Variants in ORC5 observed in about 807,000 individuals in gnomAD.
ORC5 encodes origin recognition complex subunit 5.
In ORC5, 39 loss-of-function variants were observed where a neutral mutation model predicts 58.8. That is an observed-to-expected ratio of 0.66 (90% CI 0.51 to 0.87). ORC5 has a LOEUF of 0.87. ORC5 is among the 40% of genes least tolerant of loss of function. The pLI is 0.00. For missense variants in ORC5, 493 were observed against 506.3 expected (o/e 0.97, Z 0.25); for synonymous variants, 218 against 177.6 (o/e 1.23, Z -1.81).
Position 104,161,148 on chromosome 7 carries a change from G to A in ORC5, c.1073C>T (p.Pro358Leu). The change falls in exon 12 of 14, where the codon CCA becomes CTA. Residue 358 changes from proline to leucine, a missense_variant. Transcript: ENST00000297431. ...SNHLLGPKPF[P>L]LDRLLAILYS... The stretch of plus-strand genomic sequence containing the variant: ...TAATATTGCTAATAATCTGTCTAGT[G>A]GAAATGGTTTTGGCCCAAGGAGATG... The A allele has an allele frequency of 6.2e-7, 1 of 1,610,216 alleles. No homozygotes were observed. Among genetic ancestry groups the A allele is most frequent in the Non-Finnish European group, 8.5e-7 (1 of 1,176,830 alleles).
chr7:104,150,054 A>G (rs1281815624), intron 12 of ORC5, among the ~76,000 whole-genome samples: 1 of 151,388 alleles, frequency 6.6e-6, no homozygotes, highest in Non-Finnish European at 1.5e-5. Context: ...CACAGTGAGG[A>G]TTTTTTTTTC....
rs181086948 is a variant in ORC5, at chr7:104,176,750, T to C, written c.824+7193A>G. Among the ~76,000 whole-genome samples the C allele has an allele frequency of 7.2e-5, 11 of 152,308 alleles. No individual in the cohort carries two copies. The East Asian group carries it at 2.1e-3, about 29-fold the overall frequency. The stretch of plus-strand genomic sequence containing the variant: ...ATACTTTTTTAAATATAAAAATAAA[T>C]AAGCAAGCTGGTTTTAAACTTGTTG... On this transcript the variant is annotated intron_variant, in intron 8 of 13. Coordinates refer to ENST00000297431, the MANE Select transcript of ORC5 (RefSeq NM_002553.4).
At chr7:104,177,083 T>C (rs1182569132) in intron 8 of ORC5, among the ~76,000 whole-genome samples, 1 of 152,236 alleles carries the variant, frequency 6.6e-6, no homozygotes, top group Non-Finnish European at 1.5e-5. Context: ...ATTCATAGGC[T>C]ATAAAAATGA....
At chr7:104,173,897 T>G (rs1441722660) in intron 8 of ORC5, among the ~76,000 whole-genome samples, 1 of 140,580 alleles carries the variant, frequency 7.1e-6, no homozygotes, top group East Asian at 2.1e-4. Context: ...CAGGCTGGAG[T>G]GCAGTGGCGG....
At chr7:104,188,463 T>TAAAA in intron 5 of ORC5, 82 bp from the exon 6 acceptor site, 2 of 988,036 alleles carry the variant, frequency 2.0e-6, no homozygotes, top group Non-Finnish European at 2.8e-6. Context: ...ACAAAGGTAT[T>TAAAA]AAAAAAAAAA....
intron 5 of ORC5, among the ~76,000 whole-genome samples, chr7:104,193,047 G>C (rs1205177617): frequency 6.6e-6 from 1 of 150,898 alleles, no homozygotes; most frequent in East Asian, 1.9e-4. Context: ...AAAGGTGAGG[G>C]GGGCAGACAA....
chr7:104,163,474 G>T (rs910565128), intron 11 of ORC5, among the ~76,000 whole-genome samples: 1 of 152,020 alleles, frequency 6.6e-6, no homozygotes, highest in African/African-American at 2.4e-5. Flanking sequence ...ACCATGGTTT[G>T]GGGGGTTTTG....
At chr7:104,179,163 G>C (rs74957420) in intron 8 of ORC5, among the ~76,000 whole-genome samples, 6,570 of 148,610 alleles carry the variant, frequency 0.044, 476 homozygotes, top group African/African-American at 0.15. Flanking sequence ...TTCCCAGGCT[G>C]GTCTTGAACT....
intron 6 of ORC5, among the ~76,000 whole-genome samples, chr7:104,186,831 A>G (rs1038714361): frequency 6.6e-6 from 1 of 152,194 alleles, no homozygotes; most frequent in Admixed American, 6.5e-5. Context: ...ATTATTACCA[A>G]TAGTAGTATA....
chr7:104,156,909 A>G (rs1383939560), intron 12 of ORC5, among the ~76,000 whole-genome samples: 2 of 151,936 alleles, frequency 1.3e-5, no homozygotes. Flanking sequence ...CACAGACAGT[A>G]TTAACAGGTA....
In ORC5 at chr7:104,136,260, C is replaced by T. The variant is rs1472416900; in HGVS notation, c.1262+521G>A. Among the ~76,000 whole-genome samples the T allele has an allele frequency of 2.0e-5, 3 of 152,048 alleles. No homozygotes were observed. Among genetic ancestry groups the T allele is most frequent in the African/African-American group, 7.2e-5 (3 of 41,398 alleles). On this transcript the variant is annotated intron_variant, in intron 13 of 13. Transcript: ENST00000297431. The surrounding 1 kb of genome is among the most constrained non-coding windows in gnomAD (Gnocchi z 4.2). ...CAATTCCTCATTCTACCACTCTCCT[C>T]GTGCCCCTTCAGTATGTATCCATTT... is the stretch of plus-strand genomic sequence containing the variant.
In ORC5 at chr7:104,184,177, AGT is replaced by A; in HGVS notation, c.685-8_685-7del. On this transcript the variant is annotated splice_polypyrimidine_tract_variant and splice_region_variant and intron_variant, in intron 6 of 13. Transcript: ENST00000297431. ...TTAGGAAAATTAAGTACTGCCTGTA[AGT>A]AAAGAAAAAAAAAGAGAAGAAAAAA... The A allele has an allele frequency of 6.6e-7, 1 of 1,513,216 alleles. No homozygotes were observed. Among genetic ancestry groups the A allele is most frequent in the Non-Finnish European group, 9.0e-7 (1 of 1,112,216 alleles). The allele number at this position is 1,513,216 out of a possible 1,614,324, so 93.7% of individuals were successfully genotyped here.
At chr7:104,174,306 C>T (rs775392582) in intron 8 of ORC5, among the ~76,000 whole-genome samples, 2 of 152,184 alleles carry the variant, frequency 1.3e-5, no homozygotes, top group African/African-American at 4.8e-5. Flanking sequence ...AAAGCCACTA[C>T]GATGGTCCCC....
chr7:104,203,383 G>A (rs1799993226), intron 2 of ORC5, among the ~76,000 whole-genome samples: 1 of 152,178 alleles, frequency 6.6e-6, no homozygotes, highest in Non-Finnish European at 1.5e-5. Flanking sequence ...AAACTACGTG[G>A]TCCACAAGCA....
chr7:104,173,878 T>C (rs1361357269), intron 8 of ORC5, among the ~76,000 whole-genome samples: 3 of 135,874 alleles, frequency 2.2e-5, no homozygotes, highest in African/African-American at 8.0e-5. Flanking sequence ...GGAGTCTCGC[T>C]CTGTCGCCCA....
At chr7:104,169,210 A>C (rs1031481996) in intron 8 of ORC5, among the ~76,000 whole-genome samples, 6 of 152,326 alleles carry the variant, frequency 3.9e-5, no homozygotes, top group African/African-American at 1.4e-4. Context: ...AATCCCTCAA[A>C]GTAGGTATCA....
chr7:104,190,387 T>C (rs1799648088), intron 5 of ORC5, among the ~76,000 whole-genome samples: 1 of 152,182 alleles, frequency 6.6e-6, no homozygotes, highest in Non-Finnish European at 1.5e-5. Flanking sequence ...AATCTTTTTT[T>C]ACAATAATCA....
chr7:104,172,520 T>C (rs984255102), intron 8 of ORC5, among the ~76,000 whole-genome samples: 2 of 152,170 alleles, frequency 1.3e-5, no homozygotes, highest in African/African-American at 4.8e-5. Context: ...GAATAGTTAG[T>C]GATAGAATAA....
chr7:104,129,010 A>C lies in ORC5; in HGVS notation c.1263-2117T>G, dbSNP rs562652114. On this transcript the variant is annotated intron_variant, in intron 13 of 13. Transcript: ENST00000297431. The surrounding 1 kb of genome is among the most constrained non-coding windows in gnomAD (Gnocchi z 4.9). ...AAATTACAATACATTATTTGATGAA[A>C]TATTATACAGCCATACAAAATGATC... Among the ~76,000 whole-genome samples the C allele has an allele frequency of 2.0e-3, 305 of 152,228 alleles. 1 individual carries two copies. Among genetic ancestry groups the C allele is most frequent in the Admixed American group, 6.2e-3 (95 of 15,280 alleles).
Sources: allele counts gnomAD v4.1 joint callset (sites outside exome capture counted in the v4.1 genomes callset), GRCh38; gene constraint gnomAD v4.1.1; non-coding constraint Gnocchi (gnomAD v3.1); transcripts MANE v1.5; gene names NCBI Gene and HGNC (gene_info 2026-07-23, HGNC 2026-07-21).